Variants in ZNF407 observed in about 807,000 individuals in gnomAD.
ZNF407 encodes the protein zinc finger protein 407.
A neutral mutation model predicts 131.2 loss-of-function variants in ZNF407; 17 were observed. The ratio of observed to expected loss-of-function variants is 0.13; its 90% confidence interval spans 0.09 to 0.19. The LOEUF is 0.19. Ranked by LOEUF, ZNF407 falls within the 10% of genes least tolerant of loss-of-function variation. The pLI is 1.00. For synonymous variants in ZNF407, 1,156 were observed against 1,062.0 expected, an observed-to-expected ratio of 1.09 and a Z score of -1.72; for missense variants, 2,681 against 2,830.6, an observed-to-expected ratio of 0.95 and a Z score of 1.20.
chr18:74,864,030 C>T (rs1262282979), intron 4 of ZNF407, among the ~76,000 whole-genome samples: 1 of 151,952 alleles, frequency 6.6e-6, no homozygotes, highest in African/African-American at 2.4e-5. Context: ...TCTCTTTATT[C>T]CTGAGGATAA....
intron 4 of ZNF407, among the ~76,000 whole-genome samples, chr18:74,798,209 A>AACAG (rs151208462): frequency 2.7e-5 from 4 of 147,836 alleles, no homozygotes. Flanking sequence ...CCTTTACACA[A>AACAG]ACACACACAC....
intron 8 of ZNF407, among the ~76,000 whole-genome samples, chr18:74,941,196 A>G (rs1023139176): frequency 2.0e-5 from 3 of 152,194 alleles, no homozygotes; most frequent in African/African-American, 4.8e-5. Flanking sequence ...GGTTTCTGTA[A>G]TGTACTTAGC....
intron 4 of ZNF407, among the ~76,000 whole-genome samples, chr18:74,831,106 C>G (rs544870176): frequency 5.3e-5 from 8 of 152,140 alleles, no homozygotes; most frequent in Non-Finnish European, 1.0e-4. Context: ...GGATTTCATT[C>G]TTTTTAATGG....
intron 8 of ZNF407, chr18:74,921,133 C>T (rs1468740641): frequency 2.7e-5 from 15 of 562,646 alleles, no homozygotes; most frequent in Non-Finnish European, 3.2e-5. Context: ...ACCACGACCA[C>T]GGAGTCAAGC....
intron 3 of ZNF407, among the ~76,000 whole-genome samples, chr18:74,682,141 A>T (rs1966998981): frequency 6.6e-6 from 1 of 152,236 alleles, no homozygotes; most frequent in Non-Finnish European, 1.5e-5. Flanking sequence ...GTTTTCTGAC[A>T]AAGATGGAAA....
intron 3 of ZNF407, among the ~76,000 whole-genome samples, chr18:74,718,710 A>T (rs148528222): frequency 1.7e-4 from 26 of 152,244 alleles, no homozygotes; most frequent in African/African-American, 6.3e-4. Flanking sequence ...TTGACTAGTA[A>T]TATTTTCAAT....
intron 8 of ZNF407, among the ~76,000 whole-genome samples, chr18:75,002,209 T>G (rs1278656877): frequency 1.3e-5 from 2 of 152,212 alleles, no homozygotes; most frequent in Non-Finnish European, 2.9e-5. Context: ...TTTTGTATAG[T>G]TTGACTGTTA....
chr18:74,788,794 T>G (rs543549980), intron 4 of ZNF407, among the ~76,000 whole-genome samples: 1 of 149,506 alleles, frequency 6.7e-6, no homozygotes, highest in East Asian at 1.9e-4. Context: ...GAGTATTATT[T>G]TATTTATAAA....
At chr18:74,673,452 A>G (rs1986232264) in intron 3 of ZNF407, among the ~76,000 whole-genome samples, 1 of 152,138 alleles carries the variant, frequency 6.6e-6, no homozygotes, top group Admixed American at 6.5e-5. Context: ...TTTCACTCAT[A>G]AGGACCCTTG....
intron 3 of ZNF407, among the ~76,000 whole-genome samples, chr18:74,707,252 G>A (rs1463722962): frequency 6.6e-6 from 1 of 152,144 alleles, no homozygotes; most frequent in Non-Finnish European, 1.5e-5. Flanking sequence ...TACCCAGCTA[G>A]CAGTTGTTTC....
chr18:74,767,722 C>T (rs530679672), intron 3 of ZNF407, among the ~76,000 whole-genome samples: 127 of 138,762 alleles, frequency 9.2e-4, no homozygotes, highest in Middle Eastern at 4.2e-3. Context: ...GGTGCGATTT[C>T]GGCTCACTGC....
At chr18:75,019,165 A>C (rs1020943005) in intron 8 of ZNF407, among the ~76,000 whole-genome samples, 2 of 152,166 alleles carry the variant, frequency 1.3e-5, no homozygotes, top group African/African-American at 4.8e-5. Context: ...ATGGAAGAAA[A>C]TCAGTATGTT....
chr18:75,031,582 C>T (rs1263110706), intron 8 of ZNF407, among the ~76,000 whole-genome samples: 1 of 152,178 alleles, frequency 6.6e-6, no homozygotes, highest in Non-Finnish European at 1.5e-5. Context: ...CCATTATTAA[C>T]ACAACAGTAG....
In ZNF407 at chr18:74,635,731, G is replaced by A. The variant is rs1984432200; in HGVS notation, c.4687+25G>A. ...GGTATGTAGCTCTGCAGCAAGCCAAGTCAGTGAGGACATGGGGCCATTTGT... is the reference window on the plus strand; with the variant it reads ...GGTATGTAGCTCTGCAGCAAGCCAAATCAGTGAGGACATGGGGCCATTTGT... On this transcript the variant is annotated intron_variant, in intron 2 of 8. Coordinates refer to ENST00000299687, the MANE Select transcript of ZNF407 (RefSeq NM_017757.3). This position sits in a 1 kb window ranked among gnomAD's most constrained non-coding sequence, Gnocchi z 4.7. 6.5e-7 allele frequency: 1 copy of A among 1,542,096 alleles called. No homozygotes were observed. Among genetic ancestry groups the A allele is most frequent in the Non-Finnish European group, 8.7e-7 (1 of 1,145,258 alleles).
intron 1 of ZNF407, 97 bp from the exon 2 acceptor site, chr18:74,630,870 C>A: frequency 2.2e-6 from 2 of 915,688 alleles, no homozygotes; most frequent in Non-Finnish European, 3.1e-6. Flanking sequence ...AAGGGTGTTT[C>A]ATTGGGGCTA....
At chr18:74,968,422 C>T (rs1240500726) in intron 8 of ZNF407, among the ~76,000 whole-genome samples, 1 of 152,196 alleles carries the variant, frequency 6.6e-6, no homozygotes, top group Non-Finnish European at 1.5e-5. Flanking sequence ...CCCTGATGAC[C>T]CAAGATTTAT....
intron 3 of ZNF407, among the ~76,000 whole-genome samples, chr18:74,664,311 C>A (rs1472142312): frequency 6.6e-6 from 1 of 152,174 alleles, no homozygotes; most frequent in East Asian, 1.9e-4. Flanking sequence ...GCCAGCCTGG[C>A]CAACATGGTG....
chr18:74,808,100 G>A (rs1254091363), intron 4 of ZNF407, among the ~76,000 whole-genome samples: 1 of 151,814 alleles, frequency 6.6e-6, no homozygotes, highest in Non-Finnish European at 1.5e-5. Context: ...CGCAACTTCC[G>A]CCTCCGAGGT....
chr18:74,853,495 G>A (rs1248638988), intron 4 of ZNF407, among the ~76,000 whole-genome samples: 7 of 152,146 alleles, frequency 4.6e-5, no homozygotes, highest in South Asian at 2.1e-4. Flanking sequence ...TCTTTGCATC[G>A]TTAGGCTTTA....
Sources: allele counts gnomAD v4.1 joint callset (sites outside exome capture counted in the v4.1 genomes callset), GRCh38; gene constraint gnomAD v4.1.1; non-coding constraint Gnocchi (gnomAD v3.1); transcripts MANE v1.5; gene names NCBI Gene and HGNC (gene_info 2026-07-23, HGNC 2026-07-21).